The following DENND2C variants were observed in gnomAD, a reference collection of about 807,000 sequenced individuals.
DENND2C encodes the protein DENN domain containing 2C, also known as DENN domain-containing protein 2C.
Under a neutral mutation model 112.4 loss-of-function variants are expected in DENND2C, and 72 were observed. The ratio of observed to expected loss-of-function variants is 0.64; its 90% CI spans 0.53 to 0.78. The LOEUF is 0.78. DENND2C is among the 30% of genes least tolerant of loss of function. The pLI, the probability that DENND2C is intolerant of heterozygous loss-of-function variation, is 0.00. For missense variants in DENND2C, 992 were observed against 1,113.8 expected (o/e 0.89, Z 1.56); for synonymous variants, 329 against 381.6 (o/e 0.86, Z 1.61).
In DENND2C at chr1:114,647,626, G is replaced by A. The variant is rs1657030276; in HGVS notation, c.-316-2067C>T. Among the ~76,000 whole-genome samples, 4 of 152,262 alleles carry A rather than the reference G, an allele frequency of 2.6e-5. No individual in the cohort carries two copies. The South Asian group carries it at 8.3e-4, about 32-fold the overall frequency. On this transcript the variant is annotated intron_variant, in intron 2 of 20. Transcript: ENST00000393274. The stretch of plus-strand genomic sequence containing the variant: ...AGTAGAGACGGGGTTTTGCCATGTT[G>A]GCCAGGCTGGTCTGTGACCCCTAAC...
At chr1:114,649,984 T>C (rs906353403) in intron 2 of DENND2C, among the ~76,000 whole-genome samples, 7 of 152,166 alleles carry the variant, frequency 4.6e-5, no homozygotes, top group Non-Finnish European at 7.3e-5. Context: ...TTACAGTGTA[T>C]ACATAATTGT....
intron 7 of DENND2C, among the ~76,000 whole-genome samples, chr1:114,619,189 A>G (rs1656088803): frequency 6.6e-6 from 1 of 152,168 alleles, no homozygotes; most frequent in South Asian, 2.1e-4. Context: ...TGTGTGTGTA[A>G]GAGAAACAGA....
chr1:114,619,207 C>G (rs1385941602), intron 7 of DENND2C, among the ~76,000 whole-genome samples: 1 of 152,112 alleles, frequency 6.6e-6, no homozygotes, highest in Non-Finnish European at 1.5e-5. Context: ...AGACAGGAGA[C>G]ACACACAGAA....
In DENND2C at chr1:114,605,169, T is replaced by A. The variant is rs111235898; in HGVS notation, c.1558-138A>T. The A allele has an allele frequency of 3.6e-3, 2,093 of 576,932 alleles. 39 individuals are homozygous for A. Among genetic ancestry groups the A allele is most frequent in the African/African-American group, 0.035 (1,866 of 52,842 alleles). 35.7% of individuals were successfully genotyped at this position (576,932 alleles called of 1,614,324 possible). A position where few individuals can be genotyped will look rare whatever the true frequency, so the allele number is the denominator to read the frequency against. ...GCTGATAAGCCTCAGCATGGTTTTG[T>A]ACTGCTTAACTAAATTAAAAAGTCA... On this transcript the variant is annotated intron_variant, in intron 10 of 20. Coordinates refer to ENST00000393274, the MANE Select transcript of DENND2C (RefSeq NM_001256404.2).
At chr1:114,669,156 A>G (rs1002983406) in intron 1 of DENND2C, among the ~76,000 whole-genome samples, 4 of 152,252 alleles carry the variant, frequency 2.6e-5, no homozygotes, top group African/African-American at 9.6e-5. Context: ...AAACGTTTGT[A>G]AAGTGCCTAC....
chr1:114,647,741 T>G (rs1329375594), intron 2 of DENND2C, among the ~76,000 whole-genome samples: 1 of 151,820 alleles, frequency 6.6e-6, no homozygotes, highest in Non-Finnish European at 1.5e-5. Context: ...ATATTTTAAA[T>G]AATTATTACT....
intron 3 of DENND2C, among the ~76,000 whole-genome samples, chr1:114,632,980 T>C (rs1656536639): frequency 1.3e-5 from 2 of 152,148 alleles, no homozygotes; most frequent in South Asian, 2.1e-4. Flanking sequence ...TGGATAAATA[T>C]ACAAGGCATA....
At chr1:114,610,840 C>G (rs570732297) in intron 9 of DENND2C, among the ~76,000 whole-genome samples, 1 of 152,276 alleles carries the variant, frequency 6.6e-6, no homozygotes, top group African/African-American at 2.4e-5. Context: ...TCATAAGAAC[C>G]ATACTGTTTT....
At chr1:114,590,764 G>A (rs1375445513) in intron 18 of DENND2C, among the ~76,000 whole-genome samples, 2 of 134,170 alleles carry the variant, frequency 1.5e-5, no homozygotes, top group African/African-American at 5.7e-5. Flanking sequence ...GGGCGACAGA[G>A]CGAGACTCCG....
intron 8 of DENND2C, among the ~76,000 whole-genome samples, chr1:114,617,591 GCCA>G (rs1003730651): frequency 1.2e-4 from 18 of 151,786 alleles, no homozygotes; most frequent in African/African-American, 3.9e-4. Flanking sequence ...ACAGGCGTAA[GCCA>G]CCACACCTGG....
At chr1:114,594,417 T>G in intron 18 of DENND2C, 56 bp downstream of exon 18, 3 of 1,414,890 alleles carry the variant, frequency 2.1e-6, no homozygotes, top group Non-Finnish European at 3.0e-6. Context: ...GGGCATTCAG[T>G]AAATATTTAC....
At chr1:114,646,040 C>G (rs1284390520) in intron 2 of DENND2C, among the ~76,000 whole-genome samples, 1 of 152,040 alleles carries the variant, frequency 6.6e-6, no homozygotes, top group Non-Finnish European at 1.5e-5. Flanking sequence ...CATTCTCCTG[C>G]CTCAGCCTCC....
At chr1:114,612,498 C>T (rs1349805620) in intron 8 of DENND2C, among the ~76,000 whole-genome samples, 1 of 150,740 alleles carries the variant, frequency 6.6e-6, no homozygotes, top group Non-Finnish European at 1.5e-5. Context: ...GGACTACAGG[C>T]GTGTGCCACC....
At chr1:114,657,040 C>T (rs1453598931) in intron 1 of DENND2C, among the ~76,000 whole-genome samples, 1 of 148,004 alleles carries the variant, frequency 6.8e-6, no homozygotes, top group Non-Finnish European at 1.5e-5. Flanking sequence ...CCTGAGCCAC[C>T]GCACCTGGCC....
intron 20 of DENND2C, 88 bp downstream of exon 20, chr1:114,587,299 G>C (rs1030498954): frequency 2.5e-5 from 36 of 1,440,168 alleles, no homozygotes; most frequent in Non-Finnish European, 3.0e-5. Flanking sequence ...CTCCTTACTT[G>C]ACCTCGCAAA....
chr1:114,592,692 C>A (rs1346073012), intron 18 of DENND2C, among the ~76,000 whole-genome samples: 3 of 152,056 alleles, frequency 2.0e-5, no homozygotes, highest in African/African-American at 7.2e-5. Flanking sequence ...TGCACTCCAA[C>A]CTGGGTGACA....
chr1:114,658,884 A>T (rs11102829), intron 1 of DENND2C, among the ~76,000 whole-genome samples: 34,235 of 150,574 alleles, frequency 0.23, 4,339 homozygotes, highest in Non-Finnish European at 0.28. Flanking sequence ...TGTTTTTAAA[A>T]TTTTTTAAAT....
intron 10 of DENND2C, 122 bp from the exon 11 acceptor site, chr1:114,605,153 C>T (rs1655625952): frequency 1.5e-6 from 1 of 647,870 alleles, no homozygotes; most frequent in African/African-American, 1.8e-5. Context: ...TGCTGATAAG[C>T]CTCAGCATGG....
At chr1:114,618,617 T>G in intron 7 of DENND2C, 135 bp from the exon 8 acceptor site, 1 of 474,972 alleles carries the variant, frequency 2.1e-6, no homozygotes, top group Admixed American at 4.2e-5. Flanking sequence ...CTTTTTGAAT[T>G]TTGGATTTAA....
Sources: gnomAD v4.1 joint callset for allele counts (sites outside exome capture counted in the v4.1 genomes callset) on GRCh38, gnomAD v4.1.1 for gene constraint, MANE v1.5 for transcripts, NCBI Gene and HGNC (gene_info 2026-07-23, HGNC 2026-07-21) for gene names.